Variants in IGSF9B observed in about 807,000 individuals in gnomAD.
IGSF9B encodes the protein protein turtle homolog B.
IGSF9B carries 48 observed loss-of-function variants against 143.7 expected under a neutral mutation model. The ratio of observed to expected loss-of-function variants is 0.33; its 90% CI spans 0.26 to 0.42. The LOEUF (loss-of-function observed/expected upper bound fraction) is 0.42, where lower values mean the gene tolerates loss of function less well. Among genes scored for constraint, IGSF9B ranks in the 20% least tolerant of loss-of-function variants. The probability of loss-of-function intolerance (pLI) is 1.00; values close to 1 mark genes in which losing one functional copy is unlikely to be tolerated. For synonymous variants in IGSF9B, 903 were observed against 833.1 expected (o/e 1.08, Z -1.44); for missense variants, 1,706 against 1,980.0 (o/e 0.86, Z 2.63).
chr11:133,919,794 C>T lies in IGSF9B; in HGVS notation c.3931G>A (p.Gly1311Arg). The change falls in exon 18 of 20, where the codon GGG becomes AGG. Residue 1311 changes from glycine to arginine, a missense_variant. Transcript: ENST00000533871. ...FGQTPSPRRTGEELLRPETPP... is the reference protein window; with the variant it reads ...FGQTPSPRRTREELLRPETPP... ...GTCTCCGGTCGGAGCAATTCCTCCCCCGTCCTTCGAGGGGAAGGCGTCTGT... is the reference window on the plus strand; with the variant it reads ...GTCTCCGGTCGGAGCAATTCCTCCCTCGTCCTTCGAGGGGAAGGCGTCTGT... 2 of 1,504,312 alleles carry T rather than the reference C, an allele frequency of 1.3e-6. No individual in the cohort carries two copies. Among genetic ancestry groups the T allele is most frequent in the Non-Finnish European group, 1.8e-6 (2 of 1,124,222 alleles). 93.2% of individuals were successfully genotyped at this position (1,504,312 alleles called of 1,614,324 possible).
At position 133,920,472 on chromosome 11, in the gene IGSF9B, G is replaced by A; in HGVS notation, c.3253C>T (p.Leu1085=). Residue 1085 remains leucine, a synonymous_variant, in exon 18 of 20, where the codon CTG becomes TTG. Coordinates refer to ENST00000533871, the MANE Select transcript of IGSF9B (RefSeq NM_001277285.4). ...CCCGGGTAGGCCGCGGGCACCTGCAGGGAGGTGGGGGGCAGTCCTCGGGGG... is the reference window on the plus strand; with the variant it reads ...CCCGGGTAGGCCGCGGGCACCTGCAAGGAGGTGGGGGGCAGTCCTCGGGGG... The part of the protein sequence containing the change: ...GLPRGLPPTS[L]QVPAAYPGIL... 6.4e-7 allele frequency: 1 copy of A among 1,570,876 alleles called. No homozygotes were observed. The highest frequency in any genetic ancestry group is 8.6e-7 in the Non-Finnish European group (1 of 1,157,818).
chr11:133,917,710 C>T (rs545232796), intron 18 of IGSF9B, among the ~76,000 whole-genome samples: 15 of 152,274 alleles, frequency 9.9e-5, no homozygotes, highest in Non-Finnish European at 1.6e-4. Flanking sequence ...AGAAGTGGGG[C>T]TCATCCCAAC....
At position 133,904,258 on chromosome 11, in the gene IGSF9B, C is replaced by T. The variant is rs143917034; in HGVS notation, c.*4811G>A. On this transcript the variant is annotated 3_prime_UTR_variant, in exon 20 of 20. Transcript: ENST00000533871. ...GATTGTGGACGGAGAGGCAACCCACCGCTGCAGCTTAGGAAAATGAGAATG... is the reference window on the plus strand; with the variant it reads ...GATTGTGGACGGAGAGGCAACCCACTGCTGCAGCTTAGGAAAATGAGAATG... 4.6e-5 allele frequency among the ~76,000 whole-genome samples: 7 copies of T among 152,206 alleles called. No individual in the cohort carries two copies. Among genetic ancestry groups the T allele is most frequent in the South Asian group, 4.2e-4 (2 of 4,814 alleles).
In IGSF9B at chr11:133,945,500, C is replaced by T. The variant is rs1940030746; in HGVS notation, c.262+561G>A. On this transcript the variant is annotated intron_variant, in intron 2 of 19. Transcript: ENST00000533871. The surrounding 1 kb of genome is among the most constrained non-coding windows in gnomAD (Gnocchi z 4.6). Reference sequence around the variant, plus strand: ...CACACACACCCACGCCCTCCTCTCCCGCGGGCTGGGGGGCAGGCAGCGGCA... The same window carrying T: ...CACACACACCCACGCCCTCCTCTCCTGCGGGCTGGGGGGCAGGCAGCGGCA... Among the ~76,000 whole-genome samples the T allele has an allele frequency of 6.6e-6, 1 of 152,186 alleles. No individual in the cohort carries two copies. Among genetic ancestry groups the T allele is most frequent in the Non-Finnish European group, 1.5e-5 (1 of 68,042 alleles).
At position 133,948,158 on chromosome 11, in the gene IGSF9B, C is replaced by T. The variant is rs956285190; in HGVS notation, c.65-1900G>A. Among the ~76,000 whole-genome samples the T allele has an allele frequency of 4.6e-5, 7 of 151,084 alleles. No individual in the cohort carries two copies. Among genetic ancestry groups the T allele is most frequent in the African/African-American group, 1.7e-4 (7 of 40,926 alleles). On this transcript the variant is annotated intron_variant, in intron 1 of 19. Coordinates refer to ENST00000533871, the MANE Select transcript of IGSF9B (RefSeq NM_001277285.4). This position sits in a 1 kb window ranked among gnomAD's most constrained non-coding sequence, Gnocchi z 4.7. ...CCTGCTTCTCTGTATGCAAGGGCTC[C>T]GTCTCTGCATGTATGTACTTCTGTG...
rs1490795765 is a variant in IGSF9B at position 133,953,028 on chromosome 11, C to A, written c.64+3663G>T. Reference sequence around the variant, plus strand: ...CCCTCTTTGGAGCTTATCTCCCACCCCCACATCTTGAAGCACCCAGCAGGG... The same window carrying A: ...CCCTCTTTGGAGCTTATCTCCCACCACCACATCTTGAAGCACCCAGCAGGG... On this transcript the variant is annotated intron_variant, in intron 1 of 19. Transcript: ENST00000533871. This position sits in a 1 kb window ranked among gnomAD's most constrained non-coding sequence, Gnocchi z 4.2. Among the ~76,000 whole-genome samples, 1 of 152,168 alleles carries A rather than the reference C, an allele frequency of 6.6e-6. No homozygotes were observed. The highest frequency in any genetic ancestry group is 1.9e-4 in the East Asian group (1 of 5,158).
chr11:133,907,109 G>T lies in IGSF9B; in HGVS notation c.*1960C>A, dbSNP rs770599568. ...CCCAGGTTCCACCCCAAGGGTGCAC[G>T]GCCCAGTCTCAGAAGCCCCTGCGTG... On this transcript the variant is annotated 3_prime_UTR_variant, in exon 20 of 20. Coordinates refer to ENST00000533871, the MANE Select transcript of IGSF9B (RefSeq NM_001277285.4). Among the ~76,000 whole-genome samples the T allele has an allele frequency of 6.6e-6, 1 of 152,116 alleles. No homozygotes were observed. Among genetic ancestry groups the T allele is most frequent in the Non-Finnish European group, 1.5e-5 (1 of 68,024 alleles).
chr11:133,912,295 C>G (rs1475733616), intron 18 of IGSF9B: 2 of 574,918 alleles, frequency 3.5e-6, no homozygotes, highest in Admixed American at 2.2e-5. Context: ...TAGTAAGCAC[C>G]TTCCCATGTA....
At chr11:133,929,379 A>C (rs1055162603) in intron 12 of IGSF9B, among the ~76,000 whole-genome samples, 2 of 152,216 alleles carry the variant, frequency 1.3e-5, no homozygotes, top group African/African-American at 4.8e-5. Context: ...AGAGGAATCC[A>C]GAGGATGAAG....
intron 18 of IGSF9B, among the ~76,000 whole-genome samples, chr11:133,914,043 T>C (rs1418394643): frequency 6.6e-6 from 1 of 152,212 alleles, no homozygotes; most frequent in Non-Finnish European, 1.5e-5. Flanking sequence ...TTAGGGATTC[T>C]TCAAGCCAGG....
In IGSF9B at chr11:133,902,024, CCAT is replaced by C. The variant is rs1052358848; in HGVS notation, c.*7042_*7044del. ...CACACACACACCAGACATACACACA[CCAT>C]ACCACACACCACACCCACACACAAT... On this transcript the variant is annotated 3_prime_UTR_variant, in exon 20 of 20. Transcript: ENST00000533871. 7.3e-6 allele frequency among the ~76,000 whole-genome samples: 1 copy of C among 136,994 alleles called. No homozygotes were observed. The highest frequency in any genetic ancestry group is 3.0e-5 in the African/African-American group (1 of 33,798). 89.9% of individuals were successfully genotyped at this position (136,994 alleles called of 152,430 possible). A position where few individuals can be genotyped will look rare whatever the true frequency, so the allele number is the denominator to read the frequency against.
rs557974392 is a variant in IGSF9B at position 133,931,216 on chromosome 11, G to C, written c.1369-82C>G. 1.1e-5 allele frequency: 15 copies of C among 1,420,438 alleles called. No homozygotes were observed. Among genetic ancestry groups the C allele is most frequent in the Non-Finnish European group, 1.5e-5 (15 of 1,033,860 alleles). 88.0% of individuals were successfully genotyped at this position (1,420,438 alleles called of 1,614,324 possible). The stretch of plus-strand genomic sequence containing the variant: ...AGCCCGAAGCAGATGGGGAGGACGC[G>C]CCTGAGACCCCGGCCCGCCCACGCT... On this transcript the variant is annotated intron_variant, in intron 10 of 19. Coordinates refer to ENST00000533871, the MANE Select transcript of IGSF9B (RefSeq NM_001277285.4). The surrounding 1 kb of genome is among the most constrained non-coding windows in gnomAD (Gnocchi z 7.7).
rs576502138 is a variant in IGSF9B at position 133,919,857 on chromosome 11, C to T, written c.3868G>A (p.Ala1290Thr). The change falls in exon 18 of 20, where the codon GCC becomes ACC. Residue 1290 changes from alanine to threonine, a missense_variant. Physicochemically the swap from Ala to Thr is moderately conservative, Grantham distance 58. Transcript: ENST00000533871. ...TGYPSPPPGPAPAGPGDSLDV... is the reference protein window; with the variant it reads ...TGYPSPPPGPTPAGPGDSLDV... Reference sequence around the variant, plus strand: ...AAGCTGTCCCCAGGCCCAGCAGGGGCGGGGCCGGGTGGAGGGGAAGGGTAG... The same window carrying T: ...AAGCTGTCCCCAGGCCCAGCAGGGGTGGGGCCGGGTGGAGGGGAAGGGTAG... 1.6e-5 allele frequency: 25 copies of T among 1,585,670 alleles called. No homozygotes were observed. Among genetic ancestry groups the T allele is most frequent in the Admixed American group, 7.2e-5 (4 of 55,424 alleles).
chr11:133,946,270 G>A lies in IGSF9B; in HGVS notation c.65-12C>T, dbSNP rs368419302. On this transcript the variant is annotated splice_polypyrimidine_tract_variant and intron_variant, in intron 1 of 19. Coordinates refer to ENST00000533871, the MANE Select transcript of IGSF9B (RefSeq NM_001277285.4). ...CAGGCCGTGGGCGCCTGATGGGGAC[G>A]GCCAGGTTGGACACAGAAAGGAGGT... 94 of 1,610,634 alleles carry A rather than the reference G, an allele frequency of 5.8e-5. 1 individual carries two copies. Among genetic ancestry groups the A allele is most frequent in the Middle Eastern group, 1.7e-4 (1 of 6,032 alleles).
intron 18 of IGSF9B, chr11:133,919,118 C>CAGGGG (rs1939455719): frequency 1.5e-5 from 1 of 65,186 alleles, no homozygotes; most frequent in Non-Finnish European, 3.3e-5. Context: ...GCGAGGTATA[C>CAGGGG]GGGGGGGGGG....
At position 133,906,323 on chromosome 11, in the gene IGSF9B, A is replaced by C. The variant is rs1467133038; in HGVS notation, c.*2746T>G. On this transcript the variant is annotated 3_prime_UTR_variant, in exon 20 of 20. Coordinates refer to ENST00000533871, the MANE Select transcript of IGSF9B (RefSeq NM_001277285.4). ...CTATCCACGGAGGGAACTGCGTTCCACCAATCCCATCGCCGTCCACGGGCT... is the reference window on the plus strand; with the variant it reads ...CTATCCACGGAGGGAACTGCGTTCCCCCAATCCCATCGCCGTCCACGGGCT... Among the ~76,000 whole-genome samples the C allele has an allele frequency of 1.3e-5, 2 of 152,174 alleles. No homozygotes were observed. Among genetic ancestry groups the C allele is most frequent in the African/African-American group, 4.8e-5 (2 of 41,438 alleles).
chr11:133,948,663 G>C lies in IGSF9B; in HGVS notation c.65-2405C>G, dbSNP rs1410186331. On this transcript the variant is annotated intron_variant, in intron 1 of 19. Transcript: ENST00000533871. This position sits in a 1 kb window ranked among gnomAD's most constrained non-coding sequence, Gnocchi z 4.7. The stretch of plus-strand genomic sequence containing the variant: ...TGTGTGTGTGTGTGTGTGTGTGTGT[G>C]TCTACAGCACACACCTGTGAGGAGA... Among the ~76,000 whole-genome samples, 4 of 130,756 alleles carry C rather than the reference G, an allele frequency of 3.1e-5. No homozygotes were observed. The highest frequency in any genetic ancestry group is 6.6e-5 in the Non-Finnish European group (4 of 60,534). The allele number at this position is 130,756 out of a possible 152,430, so 85.8% of individuals were successfully genotyped here. A position where few individuals can be genotyped will look rare whatever the true frequency, so the allele number is the denominator to read the frequency against.
rs772376542 is a variant in IGSF9B at position 133,925,931 on chromosome 11, C to T, written c.1842G>A (p.Leu614=). 6.2e-7 allele frequency: 1 copy of T among 1,608,058 alleles called. No individual in the cohort carries two copies. Among genetic ancestry groups the T allele is most frequent in the South Asian group, 1.1e-5 (1 of 89,892 alleles). ...CTATGAGGCACCTCGGTGGGGTGACCAGCACCAGGGGTTCTGGAGTTGTAA... is the reference window on the plus strand; with the variant it reads ...CTATGAGGCACCTCGGTGGGGTGACTAGCACCAGGGGTTCTGGAGTTGTAA... ...FPITTPEPLV[L]VTPPRCLIAN... The change falls in exon 14 of 20, where the codon CTG becomes CTA. Residue 614 remains leucine, a synonymous_variant. Transcript: ENST00000533871.
rs1939675091 is a variant in IGSF9B, at chr11:133,928,835, G to C, written c.1631+836C>G. ...GCAAAGACCTCATATGACTGCATCT[G>C]GCTAAACTGACAACAGAGGAATGAA... On this transcript the variant is annotated intron_variant, in intron 12 of 19. Transcript: ENST00000533871. The surrounding 1 kb of genome is among the most constrained non-coding windows in gnomAD (Gnocchi z 4.7). Among the ~76,000 whole-genome samples the C allele has an allele frequency of 6.6e-6, 1 of 152,168 alleles. No individual in the cohort carries two copies. Among genetic ancestry groups the C allele is most frequent in the Admixed American group, 6.5e-5 (1 of 15,282 alleles).
Sources: allele counts gnomAD v4.1 joint callset (sites outside exome capture counted in the v4.1 genomes callset), GRCh38; gene constraint gnomAD v4.1.1; non-coding constraint Gnocchi (gnomAD v3.1); transcripts MANE v1.5; gene names NCBI Gene and HGNC (gene_info 2026-07-23, HGNC 2026-07-21).